The following SLC24A5 variants were observed in gnomAD, a reference collection of about 807,000 sequenced individuals.
SLC24A5 encodes sodium/potassium/calcium exchanger 5.
In SLC24A5, 46 loss-of-function variants were observed where a neutral mutation model predicts 51.6. The observed-to-expected ratio is 0.89, with a 90% CI of 0.70 to 1.14. The LOEUF is 1.14. Ranked by LOEUF, SLC24A5 falls within the 50% of genes most tolerant of loss-of-function variation. The pLI is 0.00. For synonymous variants in SLC24A5, 230 were observed against 214.9 expected (o/e 1.07, Z -0.62); for missense variants, 581 against 604.1 (o/e 0.96, Z 0.40).
In SLC24A5 at chr15:48,136,859, C is replaced by A; in HGVS notation, c.767C>A (p.Pro256Gln). The A allele has an allele frequency of 6.2e-7, 1 of 1,613,826 alleles. No individual in the cohort carries two copies. The highest frequency in any genetic ancestry group is 8.5e-7 in the Non-Finnish European group (1 of 1,179,820). ...ATGGGCTGGGAAGATGAAGGTCAAC[C>A]ATTCATTCGTCGGCAATCAAGAACT... ...PLMGWEDEGQ[P>Q]FIRRQSRTDS... Residue 256 changes from proline (P) to glutamine (Q), a missense_variant, in exon 6 of 9, where the codon CCA (proline) becomes CAA (glutamine). Pro to Gln is a moderately conservative substitution (Grantham distance 76). Transcript: ENST00000341459.
At chr15:48,135,059 G>A in intron 5 of SLC24A5, 75 bp downstream of exon 5, 1 of 1,188,404 alleles carries the variant, frequency 8.4e-7, no homozygotes, top group Non-Finnish European at 1.2e-6. Flanking sequence ...TTTTTTTTCA[G>A]AAATGTTATT....
chr15:48,125,793 A>G (rs2038724965), intron 2 of SLC24A5, among the ~76,000 whole-genome samples: 1 of 152,202 alleles, frequency 6.6e-6, no homozygotes, highest in African/African-American at 2.4e-5. Context: ...AATGTAGTAC[A>G]GTGGAACTTC....
intron 8 of SLC24A5, chr15:48,141,592 CCA>C: frequency 6.9e-6 from 1 of 144,052 alleles, no homozygotes; most frequent in Non-Finnish European, 1.4e-5. Flanking sequence ...AAAACAAAAA[CCA>C]AAAAAAAAAA....
rs1198554589 is a variant in SLC24A5 at position 48,134,876 on chromosome 15, T to C, written c.490-8T>C. 5.6e-6 allele frequency: 9 copies of C among 1,593,056 alleles called. No homozygotes were observed. Among genetic ancestry groups the C allele is most frequent in the Non-Finnish European group, 6.9e-6 (8 of 1,165,082 alleles). On this transcript the variant is annotated splice_region_variant and splice_polypyrimidine_tract_variant and intron_variant, in intron 4 of 8. Coordinates refer to ENST00000341459, the MANE Select transcript of SLC24A5 (RefSeq NM_205850.3). ...ATGTAATGGAAATAATAACTTACCA[T>C]ATTACAGGTCTCAACACTATCATGT...
intron 5 of SLC24A5, chr15:48,136,248 A>G (rs1426326872): frequency 6.6e-6 from 1 of 152,484 alleles, no homozygotes; most frequent in African/African-American, 2.4e-5. Flanking sequence ...AAACTTGGAC[A>G]GTTGAAATAA....
intron 2 of SLC24A5, chr15:48,124,481 A>G (rs561546936): frequency 7.2e-5 from 11 of 152,288 alleles, no homozygotes; most frequent in African/African-American, 2.6e-4. Context: ...TGTTAATCAT[A>G]TAAAACACAG....
At chr15:48,140,815 T>C (rs750422237) in intron 7 of SLC24A5, 12 of 319,722 alleles carry the variant, frequency 3.8e-5, no homozygotes, top group Non-Finnish European at 6.0e-5. Flanking sequence ...GATGAGATAA[T>C]GGTGGACATA....
At position 48,132,953 on chromosome 15, in the gene SLC24A5, A is replaced by G. The variant is rs141485443; in HGVS notation, c.302-1305A>G. ...CGTGGAGCAGAAAAATACCATAACT[A>G]TTATTGTAATATACAATCTGCCACA... On this transcript the variant is annotated intron_variant, in intron 2 of 8. Transcript: ENST00000341459. 3.1e-3 allele frequency among the ~76,000 whole-genome samples: 478 copies of G among 152,246 alleles called. 2 individuals carry two copies. Among genetic ancestry groups the G allele is most frequent in the African/African-American group, 0.011 (464 of 41,560 alleles).
chr15:48,125,789 G>A (rs532860156), intron 2 of SLC24A5, among the ~76,000 whole-genome samples: 2 of 152,284 alleles, frequency 1.3e-5, no homozygotes, highest in Non-Finnish European at 2.9e-5. Context: ...TCATAATGTA[G>A]TACAGTGGAA....
intron 2 of SLC24A5, among the ~76,000 whole-genome samples, chr15:48,127,378 C>T (rs1002158208): frequency 1.3e-5 from 2 of 152,260 alleles, no homozygotes; most frequent in African/African-American, 2.4e-5. Flanking sequence ...ACCAAATCTA[C>T]GGTGCATCTG....
chr15:48,142,011 T>C lies in SLC24A5; in HGVS notation c.1181-18T>C, dbSNP rs1334960174. 6.4e-7 allele frequency: 1 copy of C among 1,571,288 alleles called. No individual in the cohort carries two copies. The highest frequency in any genetic ancestry group is 8.7e-7 in the Non-Finnish European group (1 of 1,150,964). On this transcript the variant is annotated intron_variant, in intron 8 of 8. Coordinates refer to ENST00000341459, the MANE Select transcript of SLC24A5 (RefSeq NM_205850.3). The stretch of plus-strand genomic sequence containing the variant: ...AGTATTGGTAAGCACATTTTAACAG[T>C]ATGCTTTTCTTTTGTAGGGAAAGGA...
At position 48,142,046 on chromosome 15, in the gene SLC24A5, A is replaced by G; in HGVS notation, c.1198A>G (p.Met400Val). Residue 400 changes from methionine (M) to valine (V), a missense_variant, in exon 9 of 9, where the codon ATG (methionine) becomes GTG (valine). By Grantham distance (21) the Met-to-Val change is conservative. Coordinates refer to ENST00000341459, the MANE Select transcript of SLC24A5 (RefSeq NM_205850.3). ...VARKGKGDMA[M>V]SNIVGSNVFD... ...TTTTGTAGGGAAAGGAGATATGGCT[A>G]TGTCTAACATCGTGGGATCCAATGT... The G allele has an allele frequency of 6.2e-7, 1 of 1,611,296 alleles. No homozygotes were observed. Among genetic ancestry groups the G allele is most frequent in the East Asian group, 2.2e-5 (1 of 44,764 alleles).
intron 2 of SLC24A5, among the ~76,000 whole-genome samples, chr15:48,125,083 G>A (rs947359391): frequency 2.0e-5 from 3 of 152,034 alleles, no homozygotes; most frequent in African/African-American, 7.2e-5. Context: ...CAAGTGCTTT[G>A]CCTTTCCCCA....
At chr15:48,135,096 A>G in intron 5 of SLC24A5, 112 bp downstream of exon 5, 4 of 736,664 alleles carry the variant, frequency 5.4e-6, no homozygotes, top group Non-Finnish European at 9.2e-6. Context: ...CCACTTCTAT[A>G]CCATATTCCA....
At position 48,136,777 on chromosome 15, in the gene SLC24A5, A is replaced by C. The variant is rs373460072; in HGVS notation, c.685A>C (p.Ser229Arg). ...KINQYIIKKC[S>R]PCCACLAKAM... ...TAACCAATATATTATAAAGAAATGC[A>C]GTCCTTGCTGCGCCTGTCTTGCCAA... Residue 229 changes from serine (S) to arginine (R), a missense_variant, in exon 6 of 9, where the codon AGT (serine) becomes CGT (arginine). Physicochemically the swap from Ser to Arg is moderately radical, Grantham distance 110 (BLOSUM62 -1). Transcript: ENST00000341459. 10 of 1,613,644 alleles carry C rather than the reference A, an allele frequency of 6.2e-6. No individual in the cohort carries two copies. In the African/African-American group the frequency reaches 1.2e-4, roughly 19 times the overall value.
intron 2 of SLC24A5, among the ~76,000 whole-genome samples, chr15:48,129,249 T>C (rs1356373630): frequency 5.9e-5 from 9 of 152,122 alleles, no homozygotes; most frequent in Non-Finnish European, 2.9e-5. Flanking sequence ...GTTAAAAACA[T>C]CCCAGAGCAT....
chr15:48,142,389 G>T lies in SLC24A5; in HGVS notation c.*38G>T. 1.5e-6 allele frequency: 2 copies of T among 1,321,272 alleles called. No individual in the cohort carries two copies. Among genetic ancestry groups the T allele is most frequent in the Middle Eastern group, 2.3e-4 (1 of 4,288 alleles). 81.8% of individuals were successfully genotyped at this position (1,321,272 alleles called of 1,614,324 possible). A position where few individuals can be genotyped will look rare whatever the true frequency, so the allele number is the denominator to read the frequency against. On this transcript the variant is annotated 3_prime_UTR_variant, in exon 9 of 9. Coordinates refer to ENST00000341459, the MANE Select transcript of SLC24A5 (RefSeq NM_205850.3). ...TGTTATGCAGAAAATATGAATGGCA[G>T]GGAGGGGCAGAGAGAAAAATCCATT...
chr15:48,132,496 A>G (rs2038800518), intron 2 of SLC24A5, among the ~76,000 whole-genome samples: 1 of 152,208 alleles, frequency 6.6e-6, no homozygotes, highest in African/African-American at 2.4e-5. Flanking sequence ...AGCATCTGGC[A>G]TATAGTAAGT....
At chr15:48,123,922 G>C (rs941632579) in intron 2 of SLC24A5, 1 of 151,858 alleles carries the variant, frequency 6.6e-6, no homozygotes, top group African/African-American at 2.4e-5. Context: ...TATTTTATAT[G>C]TTTATTTTAT....
Sources: allele counts gnomAD v4.1 joint callset (sites outside exome capture counted in the v4.1 genomes callset), GRCh38; gene constraint gnomAD v4.1.1; transcripts MANE v1.5; gene names NCBI Gene and HGNC (gene_info 2026-07-23, HGNC 2026-07-21).